PPIL6: variants seen among roughly 807,000 people sequenced by gnomAD.
The protein encoded by PPIL6 is peptidylprolyl isomerase like 6, also known as probable inactive peptidyl-prolyl cis-trans isomerase-like 6.
In PPIL6, 39 loss-of-function variants were observed where a neutral mutation model predicts 36.8. The ratio of observed to expected loss-of-function variants is 1.06; its 90% CI spans 0.82 to 1.38. The LOEUF is 1.38. Ranked by LOEUF, PPIL6 falls within the 40% of genes most tolerant of loss-of-function variation. The pLI, the probability that PPIL6 is intolerant of heterozygous loss-of-function variation, is 0.00. For synonymous variants in PPIL6, 123 were observed against 134.1 expected, an observed-to-expected ratio of 0.92 and a Z score of 0.57; for missense variants, 368 against 379.1, an observed-to-expected ratio of 0.97 and a Z score of 0.24.
rs149520477 is a variant in PPIL6, at chr6:109,393,243, G to A, written c.825-306C>T. 1.7e-3 allele frequency among the ~76,000 whole-genome samples: 253 copies of A among 149,602 alleles called. 4 individuals are homozygous for A. The highest frequency in any genetic ancestry group is 0.016 in the Admixed American group (234 of 15,028). ...GTGATTTTTTTTTTTTTTGAGACAG[G>A]GTCTCACTCTGTTGCCCAGGCTGGA... On this transcript the variant is annotated intron_variant, in intron 7 of 7. Transcript: ENST00000521072.
intron 1 of PPIL6, among the ~76,000 whole-genome samples, chr6:109,437,133 G>C (rs1216572492): frequency 6.6e-6 from 1 of 152,190 alleles, no homozygotes; most frequent in Non-Finnish European, 1.5e-5. Flanking sequence ...ATTCTTATTG[G>C]TTAGCAATCC....
intron 6 of PPIL6, among the ~76,000 whole-genome samples, chr6:109,410,883 G>A (rs1772986419): frequency 6.6e-6 from 1 of 152,200 alleles, no homozygotes; most frequent in Admixed American, 6.5e-5. Flanking sequence ...AAAACAAAGG[G>A]TGTCCCGCCA....
chr6:109,429,481 T>C (rs1349147814), intron 3 of PPIL6, among the ~76,000 whole-genome samples: 1 of 152,118 alleles, frequency 6.6e-6, no homozygotes, highest in African/African-American at 2.4e-5. Flanking sequence ...GTACCCTTCC[T>C]ATCTGGGGAA....
intron 6 of PPIL6, among the ~76,000 whole-genome samples, chr6:109,412,023 T>A (rs574294592): frequency 2.6e-5 from 4 of 152,312 alleles, no homozygotes; most frequent in African/African-American, 9.6e-5. Context: ...GATTGAGGAC[T>A]AGCTAAAATA....
At chr6:109,398,639 T>C (rs1772398068) in intron 7 of PPIL6, among the ~76,000 whole-genome samples, 1 of 152,252 alleles carries the variant, frequency 6.6e-6, no homozygotes, top group African/African-American at 2.4e-5. Context: ...ATCTTGCTAA[T>C]AATATTCTAA....
At chr6:109,399,894 T>G (rs1451388527) in intron 7 of PPIL6, 141 bp downstream of exon 7, 1 of 581,294 alleles carries the variant, frequency 1.7e-6, no homozygotes, top group Non-Finnish European at 2.7e-6. Context: ...TCTTAAATAC[T>G]TTTGTCTCTA....
At chr6:109,393,641 C>T (rs1322450636) in intron 7 of PPIL6, among the ~76,000 whole-genome samples, 2 of 152,142 alleles carry the variant, frequency 1.3e-5, no homozygotes, top group Non-Finnish European at 2.9e-5. Context: ...CTACCAGGGC[C>T]TGCACAGTCT....
chr6:109,439,394 T>C (rs1323898879), intron 1 of PPIL6, among the ~76,000 whole-genome samples: 1 of 152,210 alleles, frequency 6.6e-6, no homozygotes, highest in Non-Finnish European at 1.5e-5. Context: ...TCTGGCTCTG[T>C]CGCCCAGGCT....
chr6:109,429,265 C>T (rs9487101), intron 3 of PPIL6, among the ~76,000 whole-genome samples: 1,989 of 152,316 alleles, frequency 0.013, 47 homozygotes, highest in African/African-American at 0.046. Context: ...CAAGCTCTCC[C>T]CTACTCCAGC....
chr6:109,429,116 A>C (rs1773983614), intron 3 of PPIL6, among the ~76,000 whole-genome samples: 1 of 152,206 alleles, frequency 6.6e-6, no homozygotes, highest in South Asian at 2.1e-4. Flanking sequence ...GGTTTTATTC[A>C]GGAAGAAAAG....
At chr6:109,427,915 C>T (rs961689211) in intron 3 of PPIL6, among the ~76,000 whole-genome samples, 3 of 152,172 alleles carry the variant, frequency 2.0e-5, no homozygotes, top group Admixed American at 6.5e-5. Context: ...GGTTACTGTG[C>T]GTCCTGGATT....
At chr6:109,418,691 G>A (rs947470876) in intron 6 of PPIL6, among the ~76,000 whole-genome samples, 10 of 151,832 alleles carry the variant, frequency 6.6e-5, no homozygotes, top group Admixed American at 3.3e-4. Context: ...GGAGGCGTGC[G>A]CCATCATGCC....
chr6:109,429,261 C>T (rs1033862047), intron 3 of PPIL6, among the ~76,000 whole-genome samples: 1 of 152,204 alleles, frequency 6.6e-6, no homozygotes, highest in Non-Finnish European at 1.5e-5. Flanking sequence ...CTCCCAAGCT[C>T]TCCCCTACTC....
At chr6:109,440,753 C>G, upstream of PPIL6, 3 of 237,354 alleles carry the variant, frequency 1.3e-5, no homozygotes, top group Non-Finnish European at 2.1e-5. Flanking sequence ...GCTGGGCCGC[C>G]GGCGCGCGGG....
chr6:109,428,824 A>T (rs11153181), intron 3 of PPIL6, among the ~76,000 whole-genome samples: 47,093 of 151,946 alleles, frequency 0.31, 7,443 homozygotes, highest in Middle Eastern at 0.42. Flanking sequence ...AAAGAATAGG[A>T]GGCATAATAT....
In PPIL6 at chr6:109,413,281, C is replaced by T. The variant is rs992328125; in HGVS notation, c.688+5906G>A. Among the ~76,000 whole-genome samples, 12 of 152,134 alleles carry T rather than the reference C, an allele frequency of 7.9e-5. No homozygotes were observed. Among genetic ancestry groups the T allele is most frequent in the African/African-American group, 2.7e-4 (11 of 41,428 alleles). ...ACTCTACAGGAAAAAACCTAATAAT[C>T]AGATTATAAAATGGGCAAAAGATTT... On this transcript the variant is annotated intron_variant, in intron 6 of 7. Transcript: ENST00000521072. This position sits in a 1 kb window ranked among gnomAD's most constrained non-coding sequence, Gnocchi z 4.6.
intron 6 of PPIL6, among the ~76,000 whole-genome samples, chr6:109,410,392 T>C (rs1308693744): frequency 6.6e-6 from 1 of 152,116 alleles, no homozygotes; most frequent in Non-Finnish European, 1.5e-5. Flanking sequence ...AATAAATATT[T>C]CGACAAGTAT....
At chr6:109,427,526 C>T (rs1013281455) in intron 3 of PPIL6, among the ~76,000 whole-genome samples, 2 of 151,988 alleles carry the variant, frequency 1.3e-5, no homozygotes, top group African/African-American at 4.8e-5. Flanking sequence ...TGGAACTACA[C>T]ACATGCACCA....
chr6:109,415,658 T>C (rs1032838383), intron 6 of PPIL6, among the ~76,000 whole-genome samples: 1 of 152,226 alleles, frequency 6.6e-6, no homozygotes, highest in Non-Finnish European at 1.5e-5. Flanking sequence ...ATGGCTTTCA[T>C]GGCTTTTTCT....
Sources: gnomAD v4.1 joint callset for allele counts (sites outside exome capture counted in the v4.1 genomes callset) on GRCh38, gnomAD v4.1.1 for gene constraint, Gnocchi (gnomAD v3.1) non-coding constraint, MANE v1.5 for transcripts, NCBI Gene and HGNC (gene_info 2026-07-23, HGNC 2026-07-21) for gene names.